Variants in PCNX2 observed in about 807,000 individuals in gnomAD.
PCNX2 encodes pecanex 2, also known as pecanex-like protein 2.
In PCNX2, 168 loss-of-function variants were observed where a neutral mutation model predicts 223.8. The observed-to-expected ratio is 0.75, with a 90% CI of 0.66 to 0.85. The LOEUF (loss-of-function observed/expected upper bound fraction) is 0.85. Among genes scored for constraint, PCNX2 ranks in the 40% least tolerant of loss-of-function variants. The pLI is 0.00. For synonymous variants in PCNX2, 1,006 were observed against 1,052.6 expected, an observed-to-expected ratio of 0.96 and a Z score of 0.86; for missense variants, 2,507 against 2,675.5, an observed-to-expected ratio of 0.94 and a Z score of 1.39.
chr1:233,248,777 C>A (rs1195231733), intron 8 of PCNX2, among the ~76,000 whole-genome samples: 2 of 152,136 alleles, frequency 1.3e-5, no homozygotes, highest in East Asian at 3.9e-4. Flanking sequence ...AGACTCTCCA[C>A]CAAGCCACAC....
At chr1:233,132,505 A>C (rs1030526337) in intron 21 of PCNX2, among the ~76,000 whole-genome samples, 9 of 152,192 alleles carry the variant, frequency 5.9e-5, no homozygotes, top group African/African-American at 2.2e-4. Context: ...CACTCTTCTT[A>C]CTACAGGTAT....
intron 13 of PCNX2, among the ~76,000 whole-genome samples, chr1:233,204,286 C>A (rs1354803387): frequency 6.6e-6 from 1 of 152,138 alleles, no homozygotes; most frequent in African/African-American, 2.4e-5. Flanking sequence ...GGAACAGGTC[C>A]TTCTTTAATG....
intron 23 of PCNX2, among the ~76,000 whole-genome samples, chr1:233,070,343 C>T (rs546437237): frequency 6.6e-6 from 1 of 151,948 alleles, no homozygotes; most frequent in African/African-American, 2.4e-5. Context: ...GAGGAAGAGA[C>T]ACTTTCCTAT....
chr1:233,158,358 C>G (rs1444678892), intron 19 of PCNX2, among the ~76,000 whole-genome samples: 2 of 152,018 alleles, frequency 1.3e-5, no homozygotes, highest in East Asian at 3.9e-4. Flanking sequence ...TTAACAGGGG[C>G]ATAGGCATAG....
chr1:233,247,375 G>A (rs1365587911), intron 8 of PCNX2, among the ~76,000 whole-genome samples: 1 of 152,190 alleles, frequency 6.6e-6, no homozygotes, highest in African/African-American at 2.4e-5. Context: ...ACATATGATA[G>A]CAAACCATGT....
intron 21 of PCNX2, among the ~76,000 whole-genome samples, chr1:233,109,535 G>A (rs1206899634): frequency 6.6e-6 from 1 of 152,214 alleles, no homozygotes; most frequent in African/African-American, 2.4e-5. Context: ...CACAGATATA[G>A]AAGGCTTTCT....
chr1:233,001,525 A>G lies in PCNX2; in HGVS notation c.5097+12T>C. The G allele has an allele frequency of 3.3e-6, 4 of 1,228,884 alleles. No individual in the cohort carries two copies. Among genetic ancestry groups the G allele is most frequent in the Non-Finnish European group, 4.2e-6 (4 of 955,484 alleles). 76.1% of individuals were successfully genotyped at this position (1,228,884 alleles called of 1,614,324 possible). A position where few individuals can be genotyped will look rare whatever the true frequency, so the allele number is the denominator to read the frequency against. ...ATAAATAAATAAATAAATAAATAAA[A>G]TAGGTTTTTACCTGGTGAAGTTTCA... is the stretch of plus-strand genomic sequence containing the variant. On this transcript the variant is annotated intron_variant, in intron 29 of 33. Coordinates refer to ENST00000258229, the MANE Select transcript of PCNX2 (RefSeq NM_014801.4). The surrounding 1 kb of genome is among the most constrained non-coding windows in gnomAD (Gnocchi z 4.2).
In PCNX2 at chr1:232,996,014, C is replaced by T. The variant is rs553643645; in HGVS notation, c.5791+2237G>A. Among the ~76,000 whole-genome samples, 6 of 152,280 alleles carry T rather than the reference C, an allele frequency of 3.9e-5. No individual in the cohort carries two copies. In the South Asian group the frequency reaches 8.3e-4, roughly 21 times the overall value. ...CTGGGATTACAAGCACCCACCACCA[C>T]ACCTGGCTAATTTTTTGTTGTATTT... On this transcript the variant is annotated intron_variant, in intron 32 of 33. Transcript: ENST00000258229.
chr1:233,017,054 A>G lies in PCNX2; in HGVS notation c.4706T>C (p.Ile1569Thr), dbSNP rs762633461. 3.1e-6 allele frequency: 5 copies of G among 1,597,906 alleles called. No homozygotes were observed. The East Asian group carries it at 6.8e-5, about 22-fold the overall frequency. ...SLQPFAKWHYIERDLAMFNIN... is the reference protein window; with the variant it reads ...SLQPFAKWHYTERDLAMFNIN... ...GTTGAACATTGCAAGGTCACGCTCA[A>G]TGTAATGCCACTTGGCAAAGGGCTG... Residue 1569 changes from isoleucine to threonine, a missense_variant, in exon 27 of 34, where the codon ATT (isoleucine) becomes ACT (threonine). This residue lies in a region of PCNX2 where 1,372 missense variants were observed against 1,509.4 expected (regional missense o/e 0.91). Transcript: ENST00000258229.
At chr1:233,137,858 C>T (rs757019445) in intron 20 of PCNX2, among the ~76,000 whole-genome samples, 2 of 152,144 alleles carry the variant, frequency 1.3e-5, no homozygotes, top group Non-Finnish European at 1.5e-5. Flanking sequence ...ATGCATTCAT[C>T]CTTCTAACGC....
chr1:233,299,872 A>G (rs187676944), upstream of PCNX2, among the ~76,000 whole-genome samples: 7 of 152,322 alleles, frequency 4.6e-5, no homozygotes, highest in African/African-American at 1.7e-4. Flanking sequence ...TCTATATAAA[A>G]TAAAAATCCA....
chr1:233,231,256 T>C (rs1361755888), intron 9 of PCNX2, among the ~76,000 whole-genome samples: 1 of 151,778 alleles, frequency 6.6e-6, no homozygotes, highest in Non-Finnish European at 1.5e-5. Flanking sequence ...GCAAAACAAA[T>C]AGAGTTCAAG....
chr1:233,045,997 G>C (rs1671810714), intron 25 of PCNX2, among the ~76,000 whole-genome samples: 1 of 152,218 alleles, frequency 6.6e-6, no homozygotes, highest in Non-Finnish European at 1.5e-5. Flanking sequence ...ACTTAAGTTA[G>C]CTAGATTTGA....
chr1:233,277,547 C>G (rs1043942520), intron 1 of PCNX2, among the ~76,000 whole-genome samples: 5 of 143,834 alleles, frequency 3.5e-5, no homozygotes, highest in African/African-American at 9.9e-5. Context: ...AGATTAACAT[C>G]GGTAAAGTAG....
chr1:233,189,257 A>G (rs916360628), intron 15 of PCNX2, among the ~76,000 whole-genome samples: 1 of 152,196 alleles, frequency 6.6e-6, no homozygotes, highest in African/African-American at 2.4e-5. Context: ...TTCCTTATCG[A>G]TTACATGGAG....
chr1:233,073,921 C>T (rs1278799306), intron 23 of PCNX2, among the ~76,000 whole-genome samples: 1 of 152,156 alleles, frequency 6.6e-6, no homozygotes, highest in African/African-American at 2.4e-5. Flanking sequence ...CATGTCTGGC[C>T]TTATTTTAAA....
chr1:233,297,865 G>A (rs1001412751), upstream of PCNX2, among the ~76,000 whole-genome samples: 2 of 152,142 alleles, frequency 1.3e-5, no homozygotes, highest in Non-Finnish European at 2.9e-5. Flanking sequence ...AATGTTGAGG[G>A]ATCATATATG....
intron 21 of PCNX2, among the ~76,000 whole-genome samples, chr1:233,131,203 G>GGGGACATCT (rs527359194): frequency 5.8e-4 from 89 of 152,204 alleles, no homozygotes; most frequent in African/African-American, 2.1e-3. Flanking sequence ...GGAAGGGCTG[G>GGGGACATCT]GGGACATCTG....
chr1:233,093,026 C>T (rs1673963994), intron 22 of PCNX2, among the ~76,000 whole-genome samples: 2 of 152,142 alleles, frequency 1.3e-5, no homozygotes, highest in South Asian at 4.1e-4. Context: ...GTCTCAATCT[C>T]CTGACCTCAT....
Sources: allele counts gnomAD v4.1 joint callset (sites outside exome capture counted in the v4.1 genomes callset), GRCh38; gene constraint gnomAD v4.1.1; regional missense constraint gnomAD v4.1.1; non-coding constraint Gnocchi (gnomAD v3.1); transcripts MANE v1.5; gene names NCBI Gene and HGNC (gene_info 2026-07-23, HGNC 2026-07-21).